The following NINL variants were observed in gnomAD, a reference collection of about 807,000 sequenced individuals.
NINL encodes the protein ninein like, also known as ninein-like protein.
Under a neutral mutation model 160.3 loss-of-function variants are expected in NINL, and 153 were observed. The ratio of observed to expected loss-of-function variants is 0.95; its 90% CI spans 0.84 to 1.09. The LOEUF is 1.09. NINL is among the 50% of genes least tolerant of loss of function. The probability of loss-of-function intolerance (pLI) is 0.00; values close to 1 mark genes in which losing one functional copy is unlikely to be tolerated. For synonymous variants in NINL, 800 were observed against 734.8 expected, an observed-to-expected ratio of 1.09 and a Z score of -1.43; for missense variants, 1,829 against 1,764.0, an observed-to-expected ratio of 1.04 and a Z score of -0.66.
At chr20:25,489,208 A>G (rs2072977) in intron 13 of NINL, 36 bp downstream of exon 13, 279,362 of 1,596,796 alleles carry the variant, frequency 0.17, 26,098 homozygotes, top group East Asian at 0.34. Flanking sequence ...CAGAGCCTGG[A>G]CATGAGACTA....
intron 18 of NINL, among the ~76,000 whole-genome samples, chr20:25,469,632 C>T (rs1175516189): frequency 2.6e-5 from 4 of 152,110 alleles, no homozygotes; most frequent in African/African-American, 9.7e-5. Flanking sequence ...ACCTCTGACC[C>T]CTACAGACAC....
intron 1 of NINL, among the ~76,000 whole-genome samples, chr20:25,548,742 G>A (rs1475142964): frequency 6.9e-3 from 460 of 66,868 alleles, no homozygotes; most frequent in Middle Eastern, 0.015. Flanking sequence ...TCCCACACCC[G>A]GCCTCACCCA....
Position 25,459,649 on chromosome 20 carries a change from G to A in NINL, c.3697-1120C>T, listed in dbSNP as rs1265468955. On this transcript the variant is annotated intron_variant, in intron 21 of 23. Transcript: ENST00000278886. ...CTCTGGCCCGGCACCCCAACTCCCT[G>A]GGCTCTGATGCTTGCAGGTCCTTGG... Among the ~76,000 whole-genome samples, 4 of 152,198 alleles carry A rather than the reference G, an allele frequency of 2.6e-5. No homozygotes were observed. In the East Asian group the frequency reaches 7.7e-4, roughly 29 times the overall value.
intron 2 of NINL, among the ~76,000 whole-genome samples, chr20:25,524,478 A>G (rs564145818): frequency 6.6e-6 from 1 of 152,316 alleles, no homozygotes; most frequent in African/African-American, 2.4e-5. Flanking sequence ...GAGCTGAGTC[A>G]GAAAGGGCCC....
Position 25,458,442 on chromosome 20 carries a change from G to T in NINL, c.3784C>A (p.Leu1262Met). 2 of 1,606,020 alleles carry T rather than the reference G, an allele frequency of 1.2e-6. No individual in the cohort carries two copies. The highest frequency in any genetic ancestry group is 1.7e-6 in the Non-Finnish European group (2 of 1,179,966). Residue 1262 changes from leucine to methionine, a missense_variant, in exon 22 of 24, where the codon CTG (leucine) becomes ATG (methionine). By Grantham distance (15) the Leu-to-Met change is conservative. Transcript: ENST00000278886. Reference sequence around the variant, plus strand: ...CCCTGAAGGCTGAGCAGGCGATGCAGCTCGGCCACACGGTCCTGGGGCACC... The same window carrying T: ...CCCTGAAGGCTGAGCAGGCGATGCATCTCGGCCACACGGTCCTGGGGCACC... ...RLVPQDRVAE[L>M]HRLLSLQGEQ...
At chr20:25,540,039 C>A in intron 1 of NINL, 1 of 1,288,800 alleles carries the variant, frequency 7.8e-7, no homozygotes, top group African/African-American at 1.5e-5. Context: ...GTTCAGAGGC[C>A]TCTTCAGTTT....
intron 3 of NINL, 49 bp from the exon 4 acceptor site, chr20:25,513,055 G>A: frequency 6.5e-7 from 1 of 1,548,016 alleles, no homozygotes; most frequent in South Asian, 1.2e-5. Context: ...AGCAGTTCTG[G>A]GCCCATGCAG....
At chr20:25,522,021 T>G (rs1029619003) in intron 2 of NINL, among the ~76,000 whole-genome samples, 1 of 152,166 alleles carries the variant, frequency 6.6e-6, no homozygotes, top group Non-Finnish European at 1.5e-5. Flanking sequence ...ATCCTCCACC[T>G]TGGCCTCCTG....
chr20:25,491,189 G>C (rs2063623879), intron 11 of NINL, among the ~76,000 whole-genome samples, 162 bp downstream of exon 11: 1 of 152,234 alleles, frequency 6.6e-6, no homozygotes, highest in African/African-American at 2.4e-5. Flanking sequence ...CAGCAAGTGG[G>C]ACACCTCCTC....
In NINL at chr20:25,510,733, T is replaced by G. The variant is rs546994917; in HGVS notation, c.458A>C (p.Lys153Thr). ...AGTGCTCTCGGCCTCTTCATCTGACTTGGGACTCTGTAGAAAGATGCAGAG... is the reference window on the plus strand; with the variant it reads ...AGTGCTCTCGGCCTCTTCATCTGACGTGGGACTCTGTAGAAAGATGCAGAG... ...SASLESVESP[K>T]SDEEAESTKE... The change falls in exon 5 of 24, where the codon AAG (lysine) becomes ACG (threonine). Residue 153 changes from lysine (K) to threonine (T), a missense_variant. Coordinates refer to ENST00000278886, the MANE Select transcript of NINL (RefSeq NM_025176.6). 1 of 1,613,394 alleles carries G rather than the reference T, an allele frequency of 6.2e-7. No homozygotes were observed. The highest frequency in any genetic ancestry group is 1.7e-5 in the Admixed American group (1 of 59,982).
At chr20:25,564,673 G>A (rs2064981179) in intron 1 of NINL, among the ~76,000 whole-genome samples, 1 of 151,800 alleles carries the variant, frequency 6.6e-6, no homozygotes, top group African/African-American at 2.4e-5. Flanking sequence ...GGCTGGTCTT[G>A]AACTCCTGAC....
intron 1 of NINL, among the ~76,000 whole-genome samples, chr20:25,570,944 C>T (rs540703971): frequency 6.6e-6 from 1 of 151,896 alleles, no homozygotes; most frequent in East Asian, 1.9e-4. Flanking sequence ...CTCAAGTGAT[C>T]CATCCATCTC....
intron 13 of NINL, among the ~76,000 whole-genome samples, chr20:25,486,778 CAA>C (rs906263850): frequency 7.9e-5 from 12 of 152,116 alleles, no homozygotes; most frequent in Non-Finnish European, 1.8e-4. Flanking sequence ...GCGGCAGGGA[CAA>C]AGTCAGGGTC....
intron 10 of NINL, among the ~76,000 whole-genome samples, chr20:25,496,405 C>A (rs1227937392): frequency 6.6e-6 from 1 of 152,202 alleles, no homozygotes; most frequent in South Asian, 2.1e-4. Flanking sequence ...CCCAGCAAAG[C>A]GAGGGCAGGA....
chr20:25,552,931 G>C (rs1054520142), intron 1 of NINL, among the ~76,000 whole-genome samples: 1 of 152,118 alleles, frequency 6.6e-6, no homozygotes, highest in Non-Finnish European at 1.5e-5. Flanking sequence ...TCAAAGAAAG[G>C]CTGAGCTGAG....
In NINL at chr20:25,561,682, G is replaced by A. The variant is rs960796474; in HGVS notation, c.-12+23773C>T. Among the ~76,000 whole-genome samples, 13 of 148,752 alleles carry A rather than the reference G, an allele frequency of 8.7e-5. No homozygotes were observed. In the South Asian group the frequency reaches 1.7e-3, roughly 20 times the overall value. On this transcript the variant is annotated intron_variant, in intron 1 of 23. Transcript: ENST00000278886. ...GAGATGTGGGGAGCGCCTCTGCCCC[G>A]CCGCCCCGTCTGGGATGTGAGGAGC...
chr20:25,453,598 G>C lies in NINL; in HGVS notation c.4002C>G (p.Tyr1334Ter), dbSNP rs200042917. The C allele has an allele frequency of 1.2e-6, 2 of 1,612,632 alleles. No individual in the cohort carries two copies. Among genetic ancestry groups the C allele is most frequent in the East Asian group, 2.2e-5 (1 of 44,820 alleles). The part of the protein sequence containing the change: ...TKSDLLLKEL[Y>*]VENAHLVRAL... ...CTCTCACCAGGTGGGCGTTCTCCAC[G>C]TACAGCTCCTTCAGCAGCAGGTCGG... is the stretch of plus-strand genomic sequence containing the variant. The change falls in exon 24 of 24, where the codon TAC (tyrosine) becomes TAG (stop). Residue 1334 changes from tyrosine (Y) to a stop codon, truncating the protein, a stop_gained. Transcript: ENST00000278886. LOFTEE classifies it low-confidence loss of function (END_TRUNC).
At chr20:25,564,687 A>C (rs1333387874) in intron 1 of NINL, among the ~76,000 whole-genome samples, 2 of 152,124 alleles carry the variant, frequency 1.3e-5, no homozygotes, top group Non-Finnish European at 2.9e-5. Context: ...TCCTGACCTC[A>C]AGTGATCCAC....
At chr20:25,538,316 T>C (rs2064596721) in intron 1 of NINL, among the ~76,000 whole-genome samples, 1 of 152,168 alleles carries the variant, frequency 6.6e-6, no homozygotes, top group Non-Finnish European at 1.5e-5. Flanking sequence ...TGTGGTCCTA[T>C]GAAAAGGCCT....
Sources: allele counts gnomAD v4.1 joint callset (sites outside exome capture counted in the v4.1 genomes callset), GRCh38; gene constraint gnomAD v4.1.1; transcripts MANE v1.5; gene names NCBI Gene and HGNC (gene_info 2026-07-23, HGNC 2026-07-21).